GDF1: variants seen among roughly 807,000 people sequenced by gnomAD.
GDF1 encodes the protein embryonic growth/differentiation factor 1.
In GDF1, 8 loss-of-function variants were observed where a neutral mutation model predicts 7.4. The observed-to-expected ratio is 1.09, with a 90% CI of 0.64 to 1.96. The LOEUF (loss-of-function observed/expected upper bound fraction) is 1.96. Ranked by LOEUF, GDF1 falls within the 30% of genes most tolerant of loss-of-function variation. The probability of loss-of-function intolerance (pLI) is 0.00; values close to 1 mark genes in which losing one functional copy is unlikely to be tolerated. For synonymous variants in GDF1, 311 were observed against 276.7 expected (o/e 1.12, Z -1.23); for missense variants, 574 against 551.5 (o/e 1.04, Z -0.41).
chr19:18,894,232 GGGT>G (rs2056569156), intron 1 of GDF1, among the ~76,000 whole-genome samples: 4 of 151,732 alleles, frequency 2.6e-5, no homozygotes, highest in Admixed American at 6.6e-5. Context: ...TCCAAGGCAG[GGGT>G]TGGGGAGTGC....
chr19:18,869,857 G>A lies in GDF1; in HGVS notation c.325+126C>T. On this transcript the variant is annotated intron_variant, in intron 7 of 7. Transcript: ENST00000247005. ...AGGGTGAGGTGCGGTGGCCGAAGTT[G>A]CTAGTAGCCTGGACAGGGCGGGTGG... 29 of 900,390 alleles carry A rather than the reference G, an allele frequency of 3.2e-5. 1 individual carries two copies. The South Asian group carries it at 4.0e-4, about 12-fold the overall frequency. The allele number at this position is 900,390 out of a possible 1,614,324, so 55.8% of individuals were successfully genotyped here.
chr19:18,889,379 AG>A (rs2056439107), intron 2 of GDF1, among the ~76,000 whole-genome samples: 1 of 151,894 alleles, frequency 6.6e-6, no homozygotes, highest in Non-Finnish European at 1.5e-5. Context: ...CCCACAGGAT[AG>A]GGGGGAAGTC....
At chr19:18,882,592 A>G (rs1393871726) in intron 3 of GDF1, among the ~76,000 whole-genome samples, 1 of 151,744 alleles carries the variant, frequency 6.6e-6, no homozygotes, top group Non-Finnish European at 1.5e-5. Context: ...AGCCAATGTC[A>G]TGGCACTGCA....
intron 6 of GDF1, among the ~76,000 whole-genome samples, chr19:18,873,559 C>A (rs919135432): frequency 1.3e-5 from 2 of 151,856 alleles, no homozygotes; most frequent in African/African-American, 4.8e-5. Context: ...TAGCCGGGGC[C>A]AAGCATGGTG....
Position 18,869,313 on chromosome 19 carries a change from C to T in GDF1, c.403G>A (p.Ala135Thr), listed in dbSNP as rs1335835855. 1.3e-6 allele frequency: 2 copies of T among 1,522,140 alleles called. No homozygotes were observed. Among genetic ancestry groups the T allele is most frequent in the African/African-American group, 2.8e-5 (2 of 70,936 alleles). 94.3% of individuals were successfully genotyped at this position (1,522,140 alleles called of 1,614,324 possible). A position where few individuals can be genotyped will look rare whatever the true frequency, so the allele number is the denominator to read the frequency against. The change falls in exon 8 of 8, where the codon GCT becomes ACT. Residue 135 changes from alanine (A) to threonine (T), a missense_variant. Physicochemically the swap from Ala to Thr is moderately conservative, Grantham distance 58. Coordinates refer to ENST00000247005, the MANE Select transcript of GDF1 (RefSeq NM_001492.6). ...PEWTVVFDLS[A>T]VEPAERPSRA... ...CTCGGGCGCTCAGCGGGTTCCACAGCCGACAGGTCGAAGACGACTGTCCAC... is the reference window on the plus strand; with the variant it reads ...CTCGGGCGCTCAGCGGGTTCCACAGTCGACAGGTCGAAGACGACTGTCCAC...
At chr19:18,889,814 A>G (rs1465247095) in intron 2 of GDF1, among the ~76,000 whole-genome samples, 1 of 151,968 alleles carries the variant, frequency 6.6e-6, no homozygotes. Flanking sequence ...TGAATCCAGA[A>G]TCTTGGTCTC....
At chr19:18,885,770 C>T (rs181709200) in intron 2 of GDF1, among the ~76,000 whole-genome samples, 2,258 of 150,766 alleles carry the variant, frequency 0.015, 52 homozygotes, top group African/African-American at 0.051. Context: ...CCGCCCGCCT[C>T]GGCCTCCCAA....
rs1388087331 is a variant in GDF1, at chr19:18,891,073, G to A, written c.-914+2343C>T. On this transcript the variant is annotated intron_variant, in intron 2 of 7. Transcript: ENST00000247005. ...TGGGAGGTGGAGATTGCAGTGAGCC[G>A]AGATCGTGCCATTGCACTCCAGACT... 1.3e-4 allele frequency among the ~76,000 whole-genome samples: 19 copies of A among 151,570 alleles called. No individual in the cohort carries two copies. The South Asian group carries it at 1.7e-3, about 13-fold the overall frequency.
intron 2 of GDF1, among the ~76,000 whole-genome samples, chr19:18,886,949 C>T (rs1473116712): frequency 6.6e-6 from 1 of 152,226 alleles, no homozygotes; most frequent in African/African-American, 2.4e-5. Flanking sequence ...TGTCCACTCT[C>T]CTCACTCAGC....
intron 2 of GDF1, among the ~76,000 whole-genome samples, chr19:18,889,754 C>A (rs1425059768): frequency 6.6e-6 from 1 of 152,024 alleles, no homozygotes; most frequent in Non-Finnish European, 1.5e-5. Context: ...ATACTCATAT[C>A]CCACCTGCTG....
chr19:18,894,541 G>T (rs1273478427), intron 1 of GDF1, among the ~76,000 whole-genome samples: 3 of 152,118 alleles, frequency 2.0e-5, no homozygotes, highest in African/African-American at 7.2e-5. Context: ...CTCGGCCCTG[G>T]TAGTCTACCA....
chr19:18,887,761 A>G (rs189744183), intron 2 of GDF1, among the ~76,000 whole-genome samples: 1,623 of 151,900 alleles, frequency 0.011, 26 homozygotes, highest in African/African-American at 0.036. Flanking sequence ...AAAAAAAAAA[A>G]ATTGTGTTAA....
At chr19:18,882,450 T>C (rs1215019888) in intron 3 of GDF1, among the ~76,000 whole-genome samples, 1 of 151,436 alleles carries the variant, frequency 6.6e-6, no homozygotes, top group Non-Finnish European at 1.5e-5. Flanking sequence ...CTGGCCAACA[T>C]GGTGAAACCC....
At chr19:18,879,996 C>T (rs1421278343) in intron 4 of GDF1, among the ~76,000 whole-genome samples, 1 of 151,908 alleles carries the variant, frequency 6.6e-6, no homozygotes, top group East Asian at 1.9e-4. Context: ...CCTATCTCAC[C>T]AGGCCCCTCC....
At position 18,893,435 on chromosome 19, in the gene GDF1, G is replaced by A. The variant is rs1182443878; in HGVS notation, c.-933C>T. Reference sequence around the variant, plus strand: ...CCCTACCGTAGAAGACAGATGGTGGGTCATGGAAGAAGGGGTAGTCGGTGC... The same window carrying A: ...CCCTACCGTAGAAGACAGATGGTGGATCATGGAAGAAGGGGTAGTCGGTGC... On this transcript the variant is annotated 5_prime_UTR_variant, in exon 2 of 8. Coordinates refer to ENST00000247005, the MANE Select transcript of GDF1 (RefSeq NM_001492.6). 3 of 1,605,134 alleles carry A rather than the reference G, an allele frequency of 1.9e-6. No individual in the cohort carries two copies. The highest frequency in any genetic ancestry group is 2.6e-6 in the Non-Finnish European group (3 of 1,176,198).
intron 2 of GDF1, among the ~76,000 whole-genome samples, chr19:18,891,488 C>A (rs1418480512): frequency 6.6e-6 from 1 of 152,174 alleles, no homozygotes; most frequent in African/African-American, 2.4e-5. Context: ...ACACAGAGCG[C>A]GCTGCAGTCA....
At position 18,868,625 on chromosome 19, in the gene GDF1, A is replaced by G. The variant is rs374016704; in HGVS notation, c.1091T>C (p.Met364Thr). 329 of 1,571,682 alleles carry G rather than the reference A, an allele frequency of 2.1e-4. No homozygotes were observed. Among genetic ancestry groups the G allele is most frequent in the Non-Finnish European group, 3.9e-5 (45 of 1,158,818 alleles). ...GCGGCAGCCGCACTCGTCCACCACCATGTCCTCATACTGCCGCAGCACCAC... is the reference window on the plus strand; with the variant it reads ...GCGGCAGCCGCACTCGTCCACCACCGTGTCCTCATACTGCCGCAGCACCAC... Reference protein sequence around the residue: ...DNVVLRQYEDMVVDECGCR With the variant: ...DNVVLRQYEDTVVDECGCR The change falls in exon 8 of 8, where the codon ATG becomes ACG. Residue 364 changes from methionine (M) to threonine (T), a missense_variant. By Grantham distance (81) the Met-to-Thr change is moderately conservative. Transcript: ENST00000247005.
Position 18,880,398 on chromosome 19 carries a change from C to A in GDF1, c.-695G>T. ...AACTCAAGCTGCACGTCACTGATATCGTGCAGGAAGAGCACAAGGATGCCC... is the reference window on the plus strand; with the variant it reads ...AACTCAAGCTGCACGTCACTGATATAGTGCAGGAAGAGCACAAGGATGCCC... On this transcript the variant is annotated 5_prime_UTR_variant, in exon 4 of 8. Coordinates refer to ENST00000247005, the MANE Select transcript of GDF1 (RefSeq NM_001492.6). 1.3e-6 allele frequency: 2 copies of A among 1,589,182 alleles called. No individual in the cohort carries two copies. Among genetic ancestry groups the A allele is most frequent in the Admixed American group, 1.8e-5 (1 of 56,114 alleles).
intron 3 of GDF1, 88 bp downstream of exon 3, chr19:18,883,999 C>T (rs1263823071): frequency 4.3e-6 from 6 of 1,394,722 alleles, no homozygotes; most frequent in East Asian, 2.5e-5. Context: ...ATCCCCTCCA[C>T]GGCCTCCTCT....
Sources: allele counts gnomAD v4.1 joint callset (sites outside exome capture counted in the v4.1 genomes callset), GRCh38; gene constraint gnomAD v4.1.1; transcripts MANE v1.5; gene names NCBI Gene and HGNC (gene_info 2026-07-23, HGNC 2026-07-21).